Variants in ROBO1 observed in about 807,000 individuals in gnomAD.
ROBO1 encodes roundabout guidance receptor 1.
ROBO1 carries 149 observed loss-of-function variants against 195.9 expected under a neutral mutation model. The ratio of observed to expected loss-of-function variants is 0.76; its 90% CI spans 0.67 to 0.87. ROBO1 has a LOEUF of 0.87. Among genes scored for constraint, ROBO1 ranks in the 40% least tolerant of loss-of-function variants. ROBO1 has a pLI of 0.00. For missense variants in ROBO1, 1,933 were observed against 2,068.3 expected (o/e 0.93, Z 1.27); for synonymous variants, 816 against 733.2 (o/e 1.11, Z -1.82).
At chr3:79,419,981 G>A (rs2038161383) in intron 2 of ROBO1, among the ~76,000 whole-genome samples, 1 of 151,882 alleles carries the variant, frequency 6.6e-6, no homozygotes, top group African/African-American at 2.4e-5. Flanking sequence ...TTTACTTCTG[G>A]CTCTCTAATA....
intron 2 of ROBO1, among the ~76,000 whole-genome samples, chr3:79,133,308 C>T (rs1266847842): frequency 2.8e-5 from 3 of 108,732 alleles, no homozygotes; most frequent in Non-Finnish European, 3.7e-5. Context: ...CTCCACATCA[C>T]TTTCAGGTAC....
At chr3:78,858,577 A>G (rs1171541264) in intron 4 of ROBO1, among the ~76,000 whole-genome samples, 2 of 151,736 alleles carry the variant, frequency 1.3e-5, no homozygotes, top group Non-Finnish European at 2.9e-5. Flanking sequence ...AAAAAAAAAA[A>G]AAAAAAAAGG....
chr3:79,550,387 G>C (rs561930948), intron 2 of ROBO1, among the ~76,000 whole-genome samples: 1 of 152,170 alleles, frequency 6.6e-6, no homozygotes, highest in South Asian at 2.1e-4. Context: ...GCCATGATAA[G>C]TCAAAGCACA....
intron 1 of ROBO1, among the ~76,000 whole-genome samples, chr3:79,643,453 T>G (rs1317892749): frequency 6.6e-6 from 1 of 152,116 alleles, no homozygotes; most frequent in Non-Finnish European, 1.5e-5. Flanking sequence ...AGAAAACCCT[T>G]ACTAATACAA....
chr3:79,183,958 AC>A (rs1559719459), intron 2 of ROBO1, among the ~76,000 whole-genome samples: 1 of 152,198 alleles, frequency 6.6e-6, no homozygotes, highest in Admixed American at 6.5e-5. Context: ...GTCAATGCAA[AC>A]TTGTTATTCA....
chr3:79,285,931 GAC>G (rs2031859408), intron 2 of ROBO1, among the ~76,000 whole-genome samples: 1 of 152,078 alleles, frequency 6.6e-6, no homozygotes, highest in Non-Finnish European at 1.5e-5. Context: ...GGAAAAATGA[GAC>G]ACAATAACAA....
intron 2 of ROBO1, among the ~76,000 whole-genome samples, chr3:79,211,547 C>A (rs78298871): frequency 0.088 from 13,385 of 151,972 alleles, 1,010 homozygotes; most frequent in African/African-American, 0.2. Flanking sequence ...GAGACATTTT[C>A]TCTCAAACTC....
chr3:79,157,222 A>G (rs1423408501), intron 2 of ROBO1, among the ~76,000 whole-genome samples: 2 of 151,758 alleles, frequency 1.3e-5, no homozygotes, highest in Non-Finnish European at 2.9e-5. Context: ...TTTCTCTGCA[A>G]TGATTTGGTG....
chr3:79,555,533 A>C (rs577450883), intron 2 of ROBO1, among the ~76,000 whole-genome samples: 1 of 152,250 alleles, frequency 6.6e-6, no homozygotes, highest in African/African-American at 2.4e-5. Flanking sequence ...GAGATGAATG[A>C]AATTCTGGTA....
At chr3:79,721,057 G>T (rs764011459) in intron 1 of ROBO1, among the ~76,000 whole-genome samples, 3 of 152,174 alleles carry the variant, frequency 2.0e-5, no homozygotes, top group Admixed American at 6.5e-5. Flanking sequence ...CTCCCAAAGT[G>T]CTGGGATTAC....
chr3:79,222,187 A>G (rs2108828994), intron 2 of ROBO1, among the ~76,000 whole-genome samples: 1 of 152,114 alleles, frequency 6.6e-6, no homozygotes, highest in African/African-American at 2.4e-5. Flanking sequence ...TATTTTCAAG[A>G]TGTTACTGCT....
chr3:78,831,663 A>T (rs983066636), intron 4 of ROBO1, among the ~76,000 whole-genome samples: 2 of 152,198 alleles, frequency 1.3e-5, no homozygotes, highest in African/African-American at 2.4e-5. Context: ...TTTGTCTGTT[A>T]TCTCACTGCT....
At chr3:79,541,428 A>T (rs1184847735) in intron 2 of ROBO1, among the ~76,000 whole-genome samples, 1 of 152,086 alleles carries the variant, frequency 6.6e-6, no homozygotes. Context: ...CAGGGACAGA[A>T]ATTCAGAGGG....
At chr3:79,631,647 C>T (rs1945345292) in intron 1 of ROBO1, among the ~76,000 whole-genome samples, 2 of 151,896 alleles carry the variant, frequency 1.3e-5, no homozygotes, top group Admixed American at 1.3e-4. Flanking sequence ...TACTCAATTA[C>T]TCTAAAAAGC....
Position 78,873,319 on chromosome 3 carries a change from T to C in ROBO1, c.499+65282A>G, listed in dbSNP as rs151254742. On this transcript the variant is annotated intron_variant, in intron 4 of 30. Coordinates refer to ENST00000464233, the MANE Select transcript of ROBO1 (RefSeq NM_002941.4). ...GTACTTGGACCTCCCTCTGGAGATA[T>C]CCAATTTTGTCCTATCTCTTCCTTC... Among the ~76,000 whole-genome samples the C allele has an allele frequency of 2.6e-3, 403 of 152,276 alleles. 1 individual carries two copies. Among genetic ancestry groups the C allele is most frequent in the African/African-American group, 9.2e-3 (382 of 41,562 alleles).
intron 2 of ROBO1, among the ~76,000 whole-genome samples, chr3:79,578,717 TA>T (rs1943570213): frequency 6.6e-6 from 1 of 152,290 alleles, no homozygotes; most frequent in Middle Eastern, 3.4e-3. Context: ...CAGTGCATAC[TA>T]AAAAATTTCC....
chr3:79,384,126 A>T (rs1374692067), intron 2 of ROBO1, among the ~76,000 whole-genome samples: 1 of 152,020 alleles, frequency 6.6e-6, no homozygotes, highest in African/African-American at 2.4e-5. Flanking sequence ...GAAAATATTG[A>T]TAGTTTAACT....
intron 2 of ROBO1, among the ~76,000 whole-genome samples, chr3:79,167,479 C>T (rs952917098): frequency 3.3e-5 from 5 of 152,118 alleles, no homozygotes; most frequent in African/African-American, 1.2e-4. Context: ...CTTTATAACA[C>T]CTGTAATGAC....
intron 1 of ROBO1, among the ~76,000 whole-genome samples, chr3:79,600,923 C>G (rs1944320276): frequency 6.6e-6 from 1 of 151,912 alleles, no homozygotes; most frequent in Admixed American, 6.6e-5. Context: ...TTACTATGCA[C>G]CATCCTAAGA....
Sources: allele counts gnomAD v4.1 joint callset (sites outside exome capture counted in the v4.1 genomes callset), GRCh38; gene constraint gnomAD v4.1.1; transcripts MANE v1.5; gene names NCBI Gene and HGNC (gene_info 2026-07-23, HGNC 2026-07-21).